The following RNPC3 variants were observed in gnomAD, a reference collection of about 807,000 sequenced individuals.
RNPC3 encodes RNA binding region (RNP1, RRM) containing 3, also known as RNA-binding region-containing protein 3.
In RNPC3, 48 loss-of-function variants were observed where a neutral mutation model predicts 67.5. The observed-to-expected ratio is 0.71, with a 90% CI of 0.56 to 0.90. RNPC3 has a LOEUF of 0.90. RNPC3 is among the 40% of genes least tolerant of loss of function. RNPC3 has a pLI of 0.00. For missense variants in RNPC3, 637 were observed against 626.1 expected (o/e 1.02, Z -0.19); for synonymous variants, 239 against 210.3 (o/e 1.14, Z -1.18).
At chr1:103,547,558 T>A (rs909711695) in intron 12 of RNPC3, among the ~76,000 whole-genome samples, 2 of 152,214 alleles carry the variant, frequency 1.3e-5, no homozygotes, top group Non-Finnish European at 2.9e-5. Flanking sequence ...TGGATGATGC[T>A]GCAGCTTCTG....
At chr1:103,539,152 G>T (rs1651060650) in intron 7 of RNPC3, among the ~76,000 whole-genome samples, 1 of 152,174 alleles carries the variant, frequency 6.6e-6, no homozygotes, top group Admixed American at 6.5e-5. Flanking sequence ...ACCCCTGTCT[G>T]CAGGACTCTA....
chr1:103,537,623 C>G (rs1651017289), intron 7 of RNPC3, 139 bp downstream of exon 7: 1 of 623,530 alleles, frequency 1.6e-6, no homozygotes, highest in Non-Finnish European at 2.6e-6. Context: ...CCCAGCACCT[C>G]AGGCATATAT....
At chr1:103,539,096 A>G (rs1452559185) in intron 7 of RNPC3, among the ~76,000 whole-genome samples, 1 of 152,228 alleles carries the variant, frequency 6.6e-6, no homozygotes, top group African/African-American at 2.4e-5. Context: ...TTTAATTACA[A>G]AAACAGGCAG....
At chr1:103,526,309 T>G in intron 1 of RNPC3, 47 bp downstream of exon 1, 1 of 1,456,094 alleles carries the variant, frequency 6.9e-7, no homozygotes, top group Non-Finnish European at 9.2e-7. Context: ...ATTTGGGAAG[T>G]GACCGGGGAG....
At chr1:103,529,787 A>G (rs1650802517) in intron 2 of RNPC3, among the ~76,000 whole-genome samples, 1 of 152,210 alleles carries the variant, frequency 6.6e-6, no homozygotes, top group African/African-American at 2.4e-5. Flanking sequence ...TGGGACACAG[A>G]CTGGTACCCA....
At chr1:103,528,273 T>C (rs371486304) in intron 2 of RNPC3, among the ~76,000 whole-genome samples, 1 of 152,158 alleles carries the variant, frequency 6.6e-6, no homozygotes, top group East Asian at 1.9e-4. Flanking sequence ...GTATTGAGTT[T>C]GGTTTAGTAG....
chr1:103,539,475 T>C (rs952418145), intron 7 of RNPC3, among the ~76,000 whole-genome samples: 1 of 152,246 alleles, frequency 6.6e-6, no homozygotes, highest in African/African-American at 2.4e-5. Flanking sequence ...ACTTGTTGAG[T>C]GTTAACTGCG....
At chr1:103,529,330 C>T (rs1650785887) in intron 2 of RNPC3, among the ~76,000 whole-genome samples, 1 of 151,674 alleles carries the variant, frequency 6.6e-6, no homozygotes. Flanking sequence ...TAATGAAAAA[C>T]GCATTGTTTT....
intron 2 of RNPC3, among the ~76,000 whole-genome samples, chr1:103,529,985 G>A (rs1021698148): frequency 2.0e-5 from 3 of 152,016 alleles, no homozygotes; most frequent in South Asian, 4.1e-4. Flanking sequence ...TCTAGGTTGC[G>A]CTCTCAATGA....
intron 2 of RNPC3, 138 bp from the exon 3 acceptor site, chr1:103,533,601 A>T (rs1650912602): frequency 1.6e-6 from 1 of 624,836 alleles, no homozygotes; most frequent in Non-Finnish European, 2.8e-6. Flanking sequence ...TGATAGCCTG[A>T]GATTAAAAAT....
At chr1:103,550,835 A>T in intron 12 of RNPC3, 106 bp from the exon 13 acceptor site, 1 of 1,070,772 alleles carries the variant, frequency 9.3e-7, no homozygotes, top group Non-Finnish European at 1.4e-6. Flanking sequence ...CCTATCAAAT[A>T]GTGTAGTCAC....
chr1:103,533,676 G>C (rs1388315578), intron 2 of RNPC3, 63 bp from the exon 3 acceptor site: 2 of 797,630 alleles, frequency 2.5e-6, no homozygotes, highest in Non-Finnish European at 4.0e-6. Context: ...TATAAAAATT[G>C]GTCTCTAACG....
intron 1 of RNPC3, 49 bp downstream of exon 1, chr1:103,526,311 A>G (rs1570612735): frequency 1.4e-6 from 2 of 1,443,732 alleles, no homozygotes; most frequent in Middle Eastern, 2.5e-4. Flanking sequence ...TTGGGAAGTG[A>G]CCGGGGAGGG....
intron 1 of RNPC3, among the ~76,000 whole-genome samples, chr1:103,527,028 A>T (rs1264337445): frequency 1.3e-5 from 2 of 152,162 alleles, no homozygotes; most frequent in Admixed American, 1.3e-4. Flanking sequence ...ATTAAAAAAA[A>T]AAAATTATAT....
At chr1:103,527,783 C>G (rs764349244) in intron 2 of RNPC3, 41 bp downstream of exon 2, 60 of 1,379,600 alleles carry the variant, frequency 4.3e-5, no homozygotes, top group Non-Finnish European at 5.8e-5. Flanking sequence ...CAACAGGATC[C>G]TCTTATACAA....
At position 103,543,278 on chromosome 1, in the gene RNPC3, A is replaced by G. The variant is rs1651167537; in HGVS notation, c.894-18A>G. 1.4e-6 allele frequency: 2 copies of G among 1,392,332 alleles called. No homozygotes were observed. Among genetic ancestry groups the G allele is most frequent in the African/African-American group, 1.5e-5 (1 of 66,384 alleles). 86.2% of individuals were successfully genotyped at this position (1,392,332 alleles called of 1,614,324 possible). A position where few individuals can be genotyped will look rare whatever the true frequency, so the allele number is the denominator to read the frequency against. On this transcript the variant is annotated intron_variant, in intron 8 of 14. Coordinates refer to ENST00000423855, the MANE Select transcript of RNPC3 (RefSeq NM_017619.4). ...TTATTTGCAATTACAAACTAATGCTATGATTGTTTTTAAATAGCAGTTTAC... is the reference window on the plus strand; with the variant it reads ...TTATTTGCAATTACAAACTAATGCTGTGATTGTTTTTAAATAGCAGTTTAC...
At chr1:103,529,684 A>G (rs371033884) in intron 2 of RNPC3, among the ~76,000 whole-genome samples, 39 of 152,216 alleles carry the variant, frequency 2.6e-4, no homozygotes, top group African/African-American at 8.4e-4. Flanking sequence ...ACTGATAATA[A>G]AGAGGTCTAA....
At chr1:103,554,558 C>T (rs1182031822) in intron 14 of RNPC3, 1 of 152,580 alleles carries the variant, frequency 6.6e-6, no homozygotes, top group East Asian at 1.9e-4. Context: ...ATCTGAATCT[C>T]TGGGAATGGA....
At chr1:103,529,776 C>G (rs1650802263) in intron 2 of RNPC3, among the ~76,000 whole-genome samples, 1 of 152,174 alleles carries the variant, frequency 6.6e-6, no homozygotes, top group African/African-American at 2.4e-5. Context: ...TCCTCAAACC[C>G]TGGGACACAG....
Sources: gnomAD v4.1 joint callset for allele counts (sites outside exome capture counted in the v4.1 genomes callset) on GRCh38, gnomAD v4.1.1 for gene constraint, MANE v1.5 for transcripts, NCBI Gene and HGNC (gene_info 2026-07-23, HGNC 2026-07-21) for gene names.